Variants in AASDH observed in about 807,000 individuals in gnomAD.
The protein encoded by AASDH is beta-alanine-activating enzyme.
A neutral mutation model predicts 102.3 loss-of-function variants in AASDH; 81 were observed. That is an observed-to-expected ratio of 0.79 (90% CI 0.66 to 0.95). The LOEUF (loss-of-function observed/expected upper bound fraction) is 0.95, where lower values mean the gene tolerates loss of function less well. AASDH is among the 40% of genes least tolerant of loss of function. The pLI is 0.00. For missense variants in AASDH, 1,203 were observed against 1,266.2 expected, an observed-to-expected ratio of 0.95 and a Z score of 0.76; for synonymous variants, 398 against 454.0, an observed-to-expected ratio of 0.88 and a Z score of 1.57.
chr4:56,349,936 T>A lies in AASDH; in HGVS notation c.1815A>T (p.Thr605=). ...LLSEIEKLVG[T]SVPGLLEIIL... Reference sequence around the variant, plus strand: ...TAATTTCCAGAAGCCCAGGTACTGATGTACCAACAAGTTTTTCAATCTCAC... The same window carrying A: ...TAATTTCCAGAAGCCCAGGTACTGAAGTACCAACAAGTTTTTCAATCTCAC... Residue 605 remains threonine, a synonymous_variant, in exon 11 of 15, where the codon ACA becomes ACT. Coordinates refer to ENST00000205214, the MANE Select transcript of AASDH (RefSeq NM_181806.4). The A allele has an allele frequency of 6.2e-7, 1 of 1,614,050 alleles. No individual in the cohort carries two copies. The highest frequency in any genetic ancestry group is 8.5e-7 in the Non-Finnish European group (1 of 1,180,036).
intron 5 of AASDH, among the ~76,000 whole-genome samples, chr4:56,366,837 T>G (rs13128546): frequency 0.31 from 45,523 of 148,048 alleles, 7,886 homozygotes; most frequent in Non-Finnish European, 0.42. Context: ...CTCTCACCAC[T>G]CCTATTCAAC....
At chr4:56,364,381 C>A (rs1482699303) in intron 5 of AASDH, among the ~76,000 whole-genome samples, 1 of 152,044 alleles carries the variant, frequency 6.6e-6, no homozygotes. Flanking sequence ...CACAAAGATA[C>A]TCTTCAAGAA....
chr4:56,356,324 C>G (rs1038143992), intron 5 of AASDH: 2 of 1,478,224 alleles, frequency 1.4e-6, no homozygotes, highest in African/African-American at 2.8e-5. Flanking sequence ...CAGGTTGCAG[C>G]GGCAGAGAGC....
At chr4:56,364,123 G>A (rs922574919) in intron 5 of AASDH, among the ~76,000 whole-genome samples, 2 of 152,180 alleles carry the variant, frequency 1.3e-5, no homozygotes, top group Non-Finnish European at 2.9e-5. Flanking sequence ...TATCAGTGAT[G>A]GAAGACGAAA....
chr4:56,378,564 T>G, intron 3 of AASDH, 100 bp from the exon 4 acceptor site: 2 of 1,063,658 alleles, frequency 1.9e-6, no homozygotes, highest in Non-Finnish European at 2.7e-6. Flanking sequence ...TCAGTATCCT[T>G]GGGGGAATTG....
chr4:56,346,808 T>C (rs1354333495), intron 11 of AASDH, among the ~76,000 whole-genome samples: 3 of 152,052 alleles, frequency 2.0e-5, no homozygotes, highest in Non-Finnish European at 2.9e-5. Flanking sequence ...TTTGGGAGGC[T>C]GAGGTGGGCA....
At chr4:56,343,714 C>T (rs1747982672) in intron 12 of AASDH, 30 bp from the exon 13 acceptor site, 9 of 1,588,214 alleles carry the variant, frequency 5.7e-6, no homozygotes, top group Non-Finnish European at 7.7e-6. Context: ...TTAATTTGTT[C>T]TTGTTGATGG....
Position 56,345,159 on chromosome 4 carries a change from G to C in AASDH, c.2620C>G (p.His874Asp). 1 of 1,614,092 alleles carries C rather than the reference G, an allele frequency of 6.2e-7. No individual in the cohort carries two copies. Among genetic ancestry groups the C allele is most frequent in the Non-Finnish European group, 8.5e-7 (1 of 1,180,012 alleles). The change falls in exon 12 of 15, where the codon CAT becomes GAT. Residue 874 changes from histidine to aspartate, a missense_variant. By Grantham distance (81) the His-to-Asp change is moderately conservative. Transcript: ENST00000205214. The stretch of plus-strand genomic sequence containing the variant: ...TCTAAAGCATATGCGTGCTGGTCAT[G>C]AGATCCAATGTAAATGAGTCCTGTG... ...PTTGLIYIGS[H>D]DQHAYALDIY...
Position 56,355,269 on chromosome 4 carries a change from T to C in AASDH, c.1016A>G (p.Gln339Arg). The part of the protein sequence containing the change: ...RSWRGEGNKT[Q>R]IFNVYGITEV... ...TGTGATACCATAAACATTAAATATT[T>C]GTGTTTTATTGCCTTCTCCTCTCCA... Residue 339 changes from glutamine to arginine, a missense_variant, in exon 6 of 15, where the codon CAA becomes CGA. Physicochemically the swap from Gln to Arg is conservative, Grantham distance 43 (BLOSUM62 1). Coordinates refer to ENST00000205214, the MANE Select transcript of AASDH (RefSeq NM_181806.4). 6.2e-7 allele frequency: 1 copy of C among 1,614,112 alleles called. No individual in the cohort carries two copies. The highest frequency in any genetic ancestry group is 8.5e-7 in the Non-Finnish European group (1 of 1,179,998).
intron 1 of AASDH, among the ~76,000 whole-genome samples, chr4:56,386,515 C>T (rs1447154245): frequency 1.3e-5 from 2 of 152,072 alleles, no homozygotes; most frequent in Non-Finnish European, 2.9e-5. Flanking sequence ...AAAAAAAGGC[C>T]GGGCGCGGTG....
intron 12 of AASDH, among the ~76,000 whole-genome samples, chr4:56,344,843 G>A (rs1324872674): frequency 6.6e-6 from 1 of 151,754 alleles, no homozygotes; most frequent in African/African-American, 2.4e-5. Context: ...CTGTTCCAAG[G>A]CTCAACTACA....
chr4:56,366,128 G>A lies in AASDH; in HGVS notation c.861+5323C>T, dbSNP rs183534641. Among the ~76,000 whole-genome samples the A allele has an allele frequency of 6.9e-3, 1,044 of 152,268 alleles. 14 individuals are homozygous for A. The highest frequency in any genetic ancestry group is 0.024 in the African/African-American group (989 of 41,538). On this transcript the variant is annotated intron_variant, in intron 5 of 14. Transcript: ENST00000205214. ...TAAACTAGAAAATCTGGAAGAAATGGATAAGTTCCTCAACACATACACCCT... is the reference window on the plus strand; with the variant it reads ...TAAACTAGAAAATCTGGAAGAAATGAATAAGTTCCTCAACACATACACCCT...
At chr4:56,359,308 G>A (rs1010489596) in intron 5 of AASDH, among the ~76,000 whole-genome samples, 9 of 150,620 alleles carry the variant, frequency 6.0e-5, no homozygotes, top group African/African-American at 2.2e-4. Flanking sequence ...GCGCAATCTC[G>A]GCTCACCACA....
chr4:56,352,887 G>A (rs566079461), intron 9 of AASDH, among the ~76,000 whole-genome samples: 2 of 152,258 alleles, frequency 1.3e-5, no homozygotes, highest in African/African-American at 4.8e-5. Context: ...AATTGCATGG[G>A]CAAATTCCTG....
At chr4:56,351,515 C>A (rs1403181185) in intron 9 of AASDH, 58 bp from the exon 10 acceptor site, 3 of 953,708 alleles carry the variant, frequency 3.1e-6, no homozygotes, top group South Asian at 1.5e-5. Context: ...TCACTCAAAG[C>A]CTTTATATAT....
intron 5 of AASDH, among the ~76,000 whole-genome samples, chr4:56,357,747 T>A (rs1457659069): frequency 6.6e-6 from 1 of 151,796 alleles, no homozygotes; most frequent in African/African-American, 2.4e-5. Flanking sequence ...ACATAATAGA[T>A]ACAATTCATC....
chr4:56,343,789 C>A, intron 12 of AASDH, 105 bp from the exon 13 acceptor site: 1 of 1,197,318 alleles, frequency 8.4e-7, no homozygotes, highest in Non-Finnish European at 1.1e-6. Flanking sequence ...AAGTTTTTAT[C>A]TTTAGTATAA....
At chr4:56,370,900 T>C (rs1751618552) in intron 5 of AASDH, among the ~76,000 whole-genome samples, 1 of 152,220 alleles carries the variant, frequency 6.6e-6, no homozygotes, top group Non-Finnish European at 1.5e-5. Context: ...TCTAGTACTG[T>C]TAGCTACTTA....
chr4:56,349,267 C>T lies in AASDH; in HGVS notation c.2484G>A (p.Val828=). The T allele has an allele frequency of 1.9e-6, 3 of 1,613,634 alleles. No homozygotes were observed. Among genetic ancestry groups the T allele is most frequent in the Non-Finnish European group, 2.5e-6 (3 of 1,179,836 alleles). The change falls in exon 11 of 15, where the codon GTG becomes GTA. Residue 828 remains valine (V), a synonymous_variant. Coordinates refer to ENST00000205214, the MANE Select transcript of AASDH (RefSeq NM_181806.4). ...ACVSKCGNFI[V]VGCYNGLVYV... ...ACCTCAAATTCAAAAACTTACCCAC[C>T]ACAATAAAGTTTCCACACTTAGATA... is the stretch of plus-strand genomic sequence containing the variant.
Sources: allele counts gnomAD v4.1 joint callset (sites outside exome capture counted in the v4.1 genomes callset), GRCh38; gene constraint gnomAD v4.1.1; transcripts MANE v1.5; gene names NCBI Gene and HGNC (gene_info 2026-07-23, HGNC 2026-07-21).